Variants in NOL7 observed in about 807,000 individuals in gnomAD.
The protein encoded by NOL7 is U3 small nucleolar RNA-associated protein NOL7.
NOL7 carries 36 observed loss-of-function variants against 38.4 expected under a neutral mutation model. That is an observed-to-expected ratio of 0.94 (90% CI 0.72 to 1.24). The LOEUF (loss-of-function observed/expected upper bound fraction) is 1.24, where lower values mean the gene tolerates loss of function less well. Among genes scored for constraint, NOL7 ranks in the 50% most tolerant of loss-of-function variants. The pLI is 0.00. For missense variants in NOL7, 350 were observed against 315.1 expected (o/e 1.11, Z -0.84); for synonymous variants, 142 against 126.5 (o/e 1.12, Z -0.82).
chr6:13,630,740 T>C (rs1012322776), intron 8 of NOL7, among the ~76,000 whole-genome samples: 3 of 152,112 alleles, frequency 2.0e-5, no homozygotes, highest in African/African-American at 7.2e-5. Flanking sequence ...CACAACAGAC[T>C]AAAGGCAGTC....
At chr6:13,628,567 A>G (rs1224921068) in intron 8 of NOL7, among the ~76,000 whole-genome samples, 3 of 152,246 alleles carry the variant, frequency 2.0e-5, no homozygotes, top group Admixed American at 1.3e-4. Flanking sequence ...CAAAAACACT[A>G]TAAAACATGG....
Position 13,618,085 on chromosome 6 carries a change from G to C in NOL7, c.446G>C (p.Cys149Ser), listed in dbSNP as rs1046742673. 3.2e-6 allele frequency: 5 copies of C among 1,575,288 alleles called. No homozygotes were observed. Among genetic ancestry groups the C allele is most frequent in the Non-Finnish European group, 4.4e-6 (5 of 1,147,626 alleles). Residue 149 changes from cysteine to serine, a missense_variant, in exon 5 of 8, where the codon TGT becomes TCT. Coordinates refer to ENST00000451315, the MANE Select transcript of NOL7 (RefSeq NM_016167.5). ...EVNLQKKNED[C>S]EKGNDSKKVK... Reference sequence around the variant, plus strand: ...AATTTGCAAAAGAAAAATGAAGACTGTGAAAAAGGAAATGACTCCAAGAAA... The same window carrying C: ...AATTTGCAAAAGAAAAATGAAGACTCTGAAAAAGGAAATGACTCCAAGAAA...
At chr6:13,630,787 A>C (rs1171801155) in intron 8 of NOL7, among the ~76,000 whole-genome samples, 1 of 152,134 alleles carries the variant, frequency 6.6e-6, no homozygotes, top group Non-Finnish European at 1.5e-5. Flanking sequence ...TATTAAACCA[A>C]GCATTAAAGA....
At position 13,618,281 on chromosome 6, in the gene NOL7, C is replaced by A. The variant is rs574350115; in HGVS notation, c.500+142C>A. The A allele has an allele frequency of 7.4e-5, 18 of 242,860 alleles. No individual in the cohort carries two copies. In the East Asian group the frequency reaches 1.3e-3, roughly 17 times the overall value. 15.0% of individuals were successfully genotyped at this position (242,860 alleles called of 1,614,324 possible). A position where few individuals can be genotyped will look rare whatever the true frequency, so the allele number is the denominator to read the frequency against. On this transcript the variant is annotated intron_variant, in intron 5 of 7. Coordinates refer to ENST00000451315, the MANE Select transcript of NOL7 (RefSeq NM_016167.5). Reference sequence around the variant, plus strand: ...TTTGAGACGGAGTCTCGCTCTGTCGCCCAGGCCGGACTGCGGACTGCAGTG... The same window carrying A: ...TTTGAGACGGAGTCTCGCTCTGTCGACCAGGCCGGACTGCGGACTGCAGTG...
intron 4 of NOL7, 88 bp downstream of exon 4, chr6:13,617,889 A>G: frequency 2.2e-6 from 3 of 1,342,140 alleles, no homozygotes; most frequent in African/African-American, 1.4e-5. Flanking sequence ...GGCCCTTAGA[A>G]AGCCAGCATG....
chr6:13,616,387 C>A, intron 2 of NOL7, 76 bp from the exon 3 acceptor site: 3 of 995,460 alleles, frequency 3.0e-6, no homozygotes, highest in Non-Finnish European at 4.6e-6. Flanking sequence ...TTCTTAAAAG[C>A]GGTAACTTCA....
chr6:13,625,713 T>G, downstream of NOL7: 1 of 1,613,414 alleles, frequency 6.2e-7, no homozygotes, highest in Non-Finnish European at 8.5e-7. Flanking sequence ...TCAAGCTGAT[T>G]TCCAACTGGG....
chr6:13,621,720 A>C (rs1240277250), downstream of NOL7: 1 of 152,684 alleles, frequency 6.5e-6, no homozygotes, highest in Non-Finnish European at 1.5e-5. Context: ...CTACAACAGA[A>C]GTCATCTGTA....
downstream of NOL7, among the ~76,000 whole-genome samples, chr6:13,625,480 C>CCAT (rs1764576585): frequency 1.3e-5 from 2 of 152,220 alleles, no homozygotes; most frequent in African/African-American, 4.8e-5. Flanking sequence ...TTTAAATCCA[C>CCAT]TTGAATCTGG....
Position 13,616,539 on chromosome 6 carries a change from T to TTATATTA in NOL7, c.386+19_386+25dup. ...CAGACTAAGTAAGTAATGGATCTTTTTATATTACTTGCTTATATACACCCA... is the reference window on the plus strand; with the variant it reads ...CAGACTAAGTAAGTAATGGATCTTTTTATATTATATATTACTTGCTTATATACACCCA... On this transcript the variant is annotated intron_variant, in intron 3 of 7. Transcript: ENST00000451315. The TTATATTA allele has an allele frequency of 6.5e-7, 1 of 1,546,840 alleles. No homozygotes were observed. The highest frequency in any genetic ancestry group is 8.9e-7 in the Non-Finnish European group (1 of 1,124,396).
chr6:13,620,315 C>T lies in NOL7; in HGVS notation c.608C>T (p.Thr203Ile). ...FIHNSLYGPG[T>I]NRTTVNKFLS... The stretch of plus-strand genomic sequence containing the variant: ...CATAATTCATTATATGGGCCAGGAA[C>T]CAACAGGACTACTGGTAATTTTTTT... The change falls in exon 6 of 8, where the codon ACC becomes ATC. Residue 203 changes from threonine (T) to isoleucine (I), a missense_variant. Physicochemically the swap from Thr to Ile is moderately conservative, Grantham distance 89 (BLOSUM62 -1). Coordinates refer to ENST00000451315, the MANE Select transcript of NOL7 (RefSeq NM_016167.5). The T allele has an allele frequency of 6.2e-7, 1 of 1,614,056 alleles. No homozygotes were observed. Among genetic ancestry groups the T allele is most frequent in the Non-Finnish European group, 8.5e-7 (1 of 1,179,982 alleles).
At chr6:13,623,529 T>A (rs74455998), downstream of NOL7, among the ~76,000 whole-genome samples, 1 of 152,066 alleles carries the variant, frequency 6.6e-6, no homozygotes, top group Non-Finnish European at 1.5e-5. Flanking sequence ...AAAGGGCACA[T>A]AGATTGATGA....
intron 3 of NOL7, 54 bp from the exon 4 acceptor site, chr6:13,617,710 AACATGT>A: frequency 1.3e-6 from 2 of 1,503,832 alleles, no homozygotes; most frequent in South Asian, 2.3e-5. Context: ...GAAATAATAT[AACATGT>A]TTTGAGTAAT....
At position 13,615,371 on chromosome 6, in the gene NOL7, C is replaced by G; in HGVS notation, c.13C>G (p.Arg5Gly). 1 of 1,510,300 alleles carries G rather than the reference C, an allele frequency of 6.6e-7. No individual in the cohort carries two copies. Among genetic ancestry groups the G allele is most frequent in the African/African-American group, 1.4e-5 (1 of 72,286 alleles). The allele number at this position is 1,510,300 out of a possible 1,614,324, so 93.6% of individuals were successfully genotyped here. Residue 5 changes from arginine (R) to glycine (G), a missense_variant, in exon 1 of 8, where the codon CGA becomes GGA. Transcript: ENST00000451315. The stretch of plus-strand genomic sequence containing the variant: ...CGCTGCGTGGGCCATGGTGCAGCTC[C>G]GACCGCGAGCGTCTCGCGCCCCGGC... MVQLRPRASRAPASA... is the reference protein window; with the variant it reads MVQLGPRASRAPASA...
At position 13,617,573 on chromosome 6, in the gene NOL7, T is replaced by C. The variant is rs558891725; in HGVS notation, c.387-197T>C. Among the ~76,000 whole-genome samples the C allele has an allele frequency of 5.3e-5, 8 of 152,260 alleles. No individual in the cohort carries two copies. In the East Asian group the frequency reaches 1.5e-3, roughly 29 times the overall value. On this transcript the variant is annotated intron_variant, in intron 3 of 7. Transcript: ENST00000451315. ...TCTCAGATTTTAACTGTGAAGATCT[T>C]CCAATGCTTGAGAGTTGGTGGCAGT...
downstream of NOL7, chr6:13,625,860 C>T (rs1764587523): frequency 6.0e-6 from 5 of 831,372 alleles, no homozygotes; most frequent in Non-Finnish European, 4.1e-6. Flanking sequence ...GGCTTCCAGG[C>T]ACAGACTAAT....
chr6:13,616,082 G>C (rs1191648876), intron 2 of NOL7, among the ~76,000 whole-genome samples: 1 of 152,200 alleles, frequency 6.6e-6, no homozygotes, highest in Non-Finnish European at 1.5e-5. Context: ...CTGAAAATAA[G>C]AGGTTGCTGT....
Position 13,620,839 on chromosome 6 carries a change from ATG to A in NOL7, c.*13_*14del. The A allele has an allele frequency of 6.7e-7, 1 of 1,501,430 alleles. No homozygotes were observed. The highest frequency in any genetic ancestry group is 9.2e-7 in the Non-Finnish European group (1 of 1,088,608). 93.0% of individuals were successfully genotyped at this position (1,501,430 alleles called of 1,614,324 possible). ...AAACTAAGAAGTAAATCAATGCTAA[ATG>A]AAGAATCTGTACTTTGTATGTATAG... On this transcript the variant is annotated 3_prime_UTR_variant, in exon 8 of 8. Coordinates refer to ENST00000451315, the MANE Select transcript of NOL7 (RefSeq NM_016167.5).
intron 8 of NOL7, among the ~76,000 whole-genome samples, chr6:13,629,899 C>G (rs1045967928): frequency 4.4e-5 from 5 of 114,120 alleles, no homozygotes; most frequent in South Asian, 3.3e-4. Flanking sequence ...GTCTCTGTCT[C>G]TCTCTCTCTC....
Sources: allele counts gnomAD v4.1 joint callset (sites outside exome capture counted in the v4.1 genomes callset), GRCh38; gene constraint gnomAD v4.1.1; transcripts MANE v1.5; gene names NCBI Gene and HGNC (gene_info 2026-07-23, HGNC 2026-07-21).